Variants in KCND2 observed in about 807,000 individuals in gnomAD.
KCND2 encodes potassium voltage-gated channel subfamily D member 2, also known as A-type voltage-gated potassium channel KCND2.
A neutral mutation model predicts 54.4 loss-of-function variants in KCND2; 16 were observed. That is an observed-to-expected ratio of 0.29 (90% CI 0.20 to 0.45). KCND2 has a LOEUF of 0.45. KCND2 is among the 20% of genes least tolerant of loss of function. The pLI, the probability that KCND2 is intolerant of heterozygous loss-of-function variation, is 1.00. For missense variants in KCND2, 486 were observed against 824.2 expected (o/e 0.59, Z 5.02); for synonymous variants, 317 against 310.7 (o/e 1.02, Z -0.21).
At chr7:120,368,538 C>A (rs1205737387) in intron 1 of KCND2, among the ~76,000 whole-genome samples, 1 of 152,036 alleles carries the variant, frequency 6.6e-6, no homozygotes, top group African/African-American at 2.4e-5. Context: ...CAATGGAAAT[C>A]TGATTGTAAG....
chr7:120,670,138 AC>A (rs905789620), intron 1 of KCND2, among the ~76,000 whole-genome samples: 14 of 152,040 alleles, frequency 9.2e-5, no homozygotes, highest in Admixed American at 6.6e-4. Flanking sequence ...CCACCTGTAT[AC>A]CAAAAATCCT....
At chr7:120,334,211 T>C (rs1349114021) in intron 1 of KCND2, among the ~76,000 whole-genome samples, 2 of 152,190 alleles carry the variant, frequency 1.3e-5, no homozygotes, top group African/African-American at 4.8e-5. Context: ...TATGGCTGTT[T>C]AGCCTAAATA....
chr7:120,454,336 G>A (rs1010280772), intron 1 of KCND2, among the ~76,000 whole-genome samples: 8 of 151,968 alleles, frequency 5.3e-5, no homozygotes, highest in African/African-American at 1.7e-4. Context: ...AGAGAGAAGA[G>A]CCAAATAAAC....
At chr7:120,371,338 A>T (rs902153651) in intron 1 of KCND2, among the ~76,000 whole-genome samples, 13 of 152,094 alleles carry the variant, frequency 8.5e-5, no homozygotes, top group Non-Finnish European at 1.6e-4. Flanking sequence ...CATACTTTGC[A>T]GCTGCTAATC....
At chr7:120,322,085 T>TA (rs999750669) in intron 1 of KCND2, among the ~76,000 whole-genome samples, 4 of 151,676 alleles carry the variant, frequency 2.6e-5, no homozygotes, top group African/African-American at 7.3e-5. Flanking sequence ...AAAAACAAAG[T>TA]AAAAAATCAC....
intron 1 of KCND2, among the ~76,000 whole-genome samples, chr7:120,341,567 A>G (rs554694562): frequency 6.6e-6 from 1 of 152,256 alleles, no homozygotes; most frequent in East Asian, 1.9e-4. Context: ...GAAGATAATG[A>G]TCAGAGACAT....
At chr7:120,405,582 G>GT (rs1485058898) in intron 1 of KCND2, among the ~76,000 whole-genome samples, 1 of 152,024 alleles carries the variant, frequency 6.6e-6, no homozygotes, top group Non-Finnish European at 1.5e-5. Flanking sequence ...AATGTTTCAA[G>GT]TAAAAATGGG....
intron 1 of KCND2, among the ~76,000 whole-genome samples, chr7:120,731,516 C>T (rs750898511): frequency 9.9e-5 from 15 of 152,158 alleles, no homozygotes; most frequent in Non-Finnish European, 1.8e-4. Flanking sequence ...AAAATACAGG[C>T]AGGAACTAAA....
At chr7:120,517,871 T>C (rs1803218606) in intron 1 of KCND2, among the ~76,000 whole-genome samples, 1 of 152,190 alleles carries the variant, frequency 6.6e-6, no homozygotes, top group African/African-American at 2.4e-5. Flanking sequence ...GTGCTTGTCA[T>C]GTAATACATC....
intron 1 of KCND2, among the ~76,000 whole-genome samples, chr7:120,419,000 C>T (rs975960788): frequency 6.6e-6 from 1 of 152,100 alleles, no homozygotes. Flanking sequence ...AGTCAGGAAA[C>T]CCTTACCCAA....
chr7:120,612,334 G>A (rs1002773087), intron 1 of KCND2, among the ~76,000 whole-genome samples: 3 of 152,168 alleles, frequency 2.0e-5, no homozygotes, highest in Non-Finnish European at 2.9e-5. Context: ...TTCCATAGCT[G>A]TGTCTCCTCA....
At chr7:120,641,846 T>C (rs1215700465) in intron 1 of KCND2, among the ~76,000 whole-genome samples, 1 of 139,808 alleles carries the variant, frequency 7.2e-6, no homozygotes, top group Non-Finnish European at 1.5e-5. Context: ...TTATGAAGCA[T>C]AAAAAGATAA....
chr7:120,402,880 C>G (rs191988139), intron 1 of KCND2, among the ~76,000 whole-genome samples: 2 of 152,250 alleles, frequency 1.3e-5, no homozygotes, highest in Admixed American at 6.5e-5. Flanking sequence ...TTTAAAATCT[C>G]CTTATATTAT....
Position 120,343,000 on chromosome 7 carries a change from G to A in KCND2, c.1115+67253G>A, listed in dbSNP as rs185913203. ...AGCTCTGTTCCATATAGTTATTGAG[G>A]CACCTATGAGCTCTGCCATCCACTA... On this transcript the variant is annotated intron_variant, in intron 1 of 5. Coordinates refer to ENST00000331113, the MANE Select transcript of KCND2 (RefSeq NM_012281.3). 3.5e-3 allele frequency among the ~76,000 whole-genome samples: 530 copies of A among 152,190 alleles called. 3 individuals are homozygous for A. The highest frequency in any genetic ancestry group is 0.012 in the African/African-American group (505 of 41,556).
intron 1 of KCND2, among the ~76,000 whole-genome samples, chr7:120,372,970 T>C (rs1800784445): frequency 6.6e-6 from 1 of 151,836 alleles, no homozygotes; most frequent in African/African-American, 2.4e-5. Context: ...TTACTTCGGA[T>C]TTGTGCCCTT....
chr7:120,441,071 GAA>G (rs113266031), intron 1 of KCND2, among the ~76,000 whole-genome samples: 1,652 of 147,766 alleles, frequency 0.011, 33 homozygotes, highest in African/African-American at 0.038. Context: ...TAATTTCATG[GAA>G]AAAAAAAATA....
intron 1 of KCND2, among the ~76,000 whole-genome samples, chr7:120,488,738 T>G (rs543709813): frequency 6.6e-6 from 1 of 152,258 alleles, no homozygotes; most frequent in East Asian, 1.9e-4. Context: ...CTGAATTGTC[T>G]TTTTGGTTCA....
intron 1 of KCND2, among the ~76,000 whole-genome samples, chr7:120,642,412 A>G (rs1048467935): frequency 6.6e-6 from 1 of 151,154 alleles, no homozygotes; most frequent in Non-Finnish European, 1.5e-5. Flanking sequence ...AAAAAAAAAA[A>G]AAAGCAGGGC....
At chr7:120,424,461 C>A (rs750383536) in intron 1 of KCND2, among the ~76,000 whole-genome samples, 1 of 152,176 alleles carries the variant, frequency 6.6e-6, no homozygotes, top group Non-Finnish European at 1.5e-5. Context: ...GTGATATCAG[C>A]ATTACCATGT....
Sources: gnomAD v4.1 joint callset for allele counts (sites outside exome capture counted in the v4.1 genomes callset) on GRCh38, gnomAD v4.1.1 for gene constraint, MANE v1.5 for transcripts, NCBI Gene and HGNC (gene_info 2026-07-23, HGNC 2026-07-21) for gene names.